The following CNTN5 variants were observed in gnomAD, a reference collection of about 807,000 sequenced individuals.
CNTN5 encodes contactin-5.
In CNTN5, 77 loss-of-function variants were observed where a neutral mutation model predicts 129.1. The ratio of observed to expected loss-of-function variants is 0.60; its 90% CI spans 0.50 to 0.72. CNTN5 has a LOEUF of 0.72. Ranked by LOEUF, CNTN5 falls within the 30% of genes least tolerant of loss-of-function variation. The pLI is 0.00. For missense variants in CNTN5, 1,478 were observed against 1,328.8 expected (o/e 1.11, Z -1.75); for synonymous variants, 509 against 465.6 (o/e 1.09, Z -1.20).
intron 13 of CNTN5, among the ~76,000 whole-genome samples, chr11:100,184,235 T>C (rs1243603697): frequency 6.6e-6 from 1 of 152,190 alleles, no homozygotes; most frequent in Non-Finnish European, 1.5e-5. Flanking sequence ...ACATATATTA[T>C]GTAATCAATA....
rs182007384 is a variant in CNTN5, at chr11:99,613,743, A to T, written c.55+57474A>T. ...GATTCACCATTTTTATTCTGAGGAT[A>T]ATAGATACTTGCATTTGTGATTTGA... On this transcript the variant is annotated intron_variant, in intron 3 of 24. Transcript: ENST00000524871. 3.1e-3 allele frequency among the ~76,000 whole-genome samples: 468 copies of T among 152,358 alleles called. 2 individuals are homozygous for T. Among genetic ancestry groups the T allele is most frequent in the African/African-American group, 9.7e-3 (405 of 41,598 alleles).
At chr11:100,299,457 G>A in intron 20 of CNTN5, 61 bp downstream of exon 20, 10 of 1,097,604 alleles carry the variant, frequency 9.1e-6, no homozygotes, top group Non-Finnish European at 1.3e-5. Context: ...CAAATAATCA[G>A]ACACCTTTGT....
chr11:99,961,975 G>C (rs998333874), intron 8 of CNTN5, among the ~76,000 whole-genome samples: 24 of 146,422 alleles, frequency 1.6e-4, no homozygotes, highest in African/African-American at 6.4e-4. Context: ...GAGACATATA[G>C]ATAGATATAG....
intron 2 of CNTN5, among the ~76,000 whole-genome samples, chr11:99,357,955 G>A (rs1277608836): frequency 2.0e-5 from 3 of 150,566 alleles, no homozygotes; most frequent in Middle Eastern, 3.5e-3. Context: ...AGTAAGCCGA[G>A]GTCGCGCCAC....
intron 3 of CNTN5, among the ~76,000 whole-genome samples, chr11:99,633,669 A>T (rs1220816576): frequency 6.6e-6 from 1 of 152,234 alleles, no homozygotes; most frequent in East Asian, 1.9e-4. Context: ...TTTAATAGAG[A>T]TATACCCTCG....
intron 3 of CNTN5, among the ~76,000 whole-genome samples, chr11:99,780,339 G>A (rs1945270379): frequency 6.6e-6 from 1 of 152,064 alleles, no homozygotes. Context: ...GCTAATACAA[G>A]ATTATTACTA....
intron 6 of CNTN5, among the ~76,000 whole-genome samples, chr11:99,852,723 T>G (rs1419890078): frequency 6.6e-6 from 1 of 152,202 alleles, no homozygotes. Context: ...TTTATCATAG[T>G]GCTCTTTTGT....
intron 16 of CNTN5, among the ~76,000 whole-genome samples, chr11:100,254,945 T>G (rs1426499615): frequency 2.0e-5 from 3 of 152,236 alleles, no homozygotes; most frequent in Middle Eastern, 3.2e-3. Flanking sequence ...TAAAATACTA[T>G]TCAAAATCAC....
chr11:99,210,723 T>C (rs1417613832), intron 1 of CNTN5, among the ~76,000 whole-genome samples: 3 of 152,152 alleles, frequency 2.0e-5, no homozygotes, highest in Admixed American at 6.5e-5. Context: ...AAATGTTATG[T>C]TTAGCTGTTC....
rs1303844812 is a variant in CNTN5, at chr11:100,308,373, C to T, written c.2635C>T (p.Pro879Ser). The change falls in exon 21 of 25, where the codon CCC (proline) becomes TCC (serine). Residue 879 changes from proline to serine, a missense_variant. Transcript: ENST00000524871. ...CSAEGEPSAAPTDVKATSVSV... is the reference protein window; with the variant it reads ...CSAEGEPSAASTDVKATSVSV... ...CCTTCATACAGAACCCAGTGCTGCT[C>T]CCACAGATGTCAAGGCGACAAGTGT... The T allele has an allele frequency of 6.2e-7, 1 of 1,610,542 alleles. No homozygotes were observed. Among genetic ancestry groups the T allele is most frequent in the Non-Finnish European group, 8.5e-7 (1 of 1,177,772 alleles).
intron 2 of CNTN5, among the ~76,000 whole-genome samples, chr11:99,483,771 A>G (rs1172049776): frequency 1.3e-5 from 2 of 152,160 alleles, no homozygotes; most frequent in Non-Finnish European, 2.9e-5. Context: ...AAGGTGACAA[A>G]TAGTCAAAGC....
intron 3 of CNTN5, among the ~76,000 whole-genome samples, chr11:99,587,584 G>T (rs978556259): frequency 1.3e-5 from 2 of 151,832 alleles, no homozygotes; most frequent in Non-Finnish European, 2.9e-5. Context: ...TGCATTAGAT[G>T]GTACGTTTCT....
intron 6 of CNTN5, among the ~76,000 whole-genome samples, chr11:99,865,228 T>C (rs949140154): frequency 1.1e-4 from 16 of 152,150 alleles, no homozygotes; most frequent in Non-Finnish European, 2.4e-4. Flanking sequence ...GCAATTTTTA[T>C]GCAGAAAATT....
chr11:99,194,424 CAAAAA>C (rs1234687027), intron 1 of CNTN5, among the ~76,000 whole-genome samples: 50 of 151,716 alleles, frequency 3.3e-4, no homozygotes, highest in Admixed American at 3.2e-3. Context: ...TTTCATGTAA[CAAAAA>C]AGAAAACAAT....
At position 99,219,638 on chromosome 11, in the gene CNTN5, T is replaced by A. The variant is rs544127768; in HGVS notation, c.-209-105708T>A. ...AGCACTTGTAGACCATGGCAAAGACTTTTTTGTCTTACTTTGAGTAAGATT... is the reference window on the plus strand; with the variant it reads ...AGCACTTGTAGACCATGGCAAAGACATTTTTGTCTTACTTTGAGTAAGATT... On this transcript the variant is annotated intron_variant, in intron 1 of 24. Coordinates refer to ENST00000524871, the MANE Select transcript of CNTN5 (RefSeq NM_014361.4). Among the ~76,000 whole-genome samples the A allele has an allele frequency of 9.3e-4, 139 of 148,978 alleles. 1 individual carries two copies. Among genetic ancestry groups the A allele is most frequent in the African/African-American group, 3.3e-3 (134 of 40,406 alleles).
chr11:99,286,195 A>T (rs1228121678), intron 1 of CNTN5, among the ~76,000 whole-genome samples: 2 of 152,180 alleles, frequency 1.3e-5, no homozygotes, highest in Non-Finnish European at 1.5e-5. Flanking sequence ...ATACAAAAAG[A>T]TGGGAGAGGT....
At chr11:99,404,290 T>G (rs1278146504) in intron 2 of CNTN5, among the ~76,000 whole-genome samples, 1 of 64 alleles carries the variant, frequency 0.016, no homozygotes, top group Non-Finnish European at 0.029. Flanking sequence ...GATCAATGGT[T>G]TTTTTTTTTC....
At chr11:99,355,753 C>G (rs1938601292) in intron 2 of CNTN5, among the ~76,000 whole-genome samples, 1 of 151,364 alleles carries the variant, frequency 6.6e-6, no homozygotes, top group South Asian at 2.1e-4. Flanking sequence ...TTTAGACAGC[C>G]TATAATATCG....
intron 2 of CNTN5, among the ~76,000 whole-genome samples, chr11:99,450,406 G>T (rs1024627585): frequency 6.6e-6 from 1 of 152,034 alleles, no homozygotes; most frequent in Admixed American, 6.6e-5. Flanking sequence ...TAAAGACTGT[G>T]ATGTCCCCAC....
Sources: gnomAD v4.1 joint callset for allele counts (sites outside exome capture counted in the v4.1 genomes callset) on GRCh38, gnomAD v4.1.1 for gene constraint, MANE v1.5 for transcripts, NCBI Gene and HGNC (gene_info 2026-07-23, HGNC 2026-07-21) for gene names.